Variants in ABR observed in about 807,000 individuals in gnomAD.
The protein encoded by ABR is active breakpoint cluster region-related protein.
A neutral mutation model predicts 107.2 loss-of-function variants in ABR; 35 were observed. The observed-to-expected ratio is 0.33, with a 90% CI of 0.25 to 0.43. The LOEUF is 0.43. Among genes scored for constraint, ABR ranks in the 20% least tolerant of loss-of-function variants. The probability of loss-of-function intolerance (pLI) is 1.00; values close to 1 mark genes in which losing one functional copy is unlikely to be tolerated. For missense variants in ABR, 815 were observed against 1,115.2 expected, an observed-to-expected ratio of 0.73 and a Z score of 3.83; for synonymous variants, 498 against 462.0, an observed-to-expected ratio of 1.08 and a Z score of -1.00.
At chr17:1,122,351 A>ATTTGTATAT (rs1299417781) in intron 2 of ABR, among the ~76,000 whole-genome samples, 1 of 152,218 alleles carries the variant, frequency 6.6e-6, no homozygotes, top group East Asian at 1.9e-4. Flanking sequence ...ATCCGGACAT[A>ATTTGTATAT]TTTGTGAGGC....
chr17:1,054,606 GGCACAAGGAACC>G lies in ABR; in HGVS notation c.1561+1417_1561+1428del, dbSNP rs1242592218. Among the ~76,000 whole-genome samples, 204 of 42,340 alleles carry G rather than the reference GGCACAAGGAACC, an allele frequency of 4.8e-3. 12 individuals carry two copies. Among genetic ancestry groups the G allele is most frequent in the South Asian group, 0.022 (17 of 780 alleles). The allele number at this position is 42,340 out of a possible 152,430, so 27.8% of individuals were successfully genotyped here. The stretch of plus-strand genomic sequence containing the variant: ...GGCACAAGGAACCTGAGGGGATGGG[GGCACAAGGAACC>G]TCAGGGGATGTGGGCACAAGGAACC... On this transcript the variant is annotated intron_variant, in intron 14 of 22. Transcript: ENST00000302538.
intron 7 of ABR, 141 bp from the exon 8 acceptor site, chr17:1,072,895 G>C: frequency 8.4e-7 from 1 of 1,197,434 alleles, no homozygotes; most frequent in Non-Finnish European, 1.1e-6. Context: ...ACAAATCAGA[G>C]TCAGGCCGGG....
At chr17:1,080,262 G>A (rs1325685555) in intron 5 of ABR, among the ~76,000 whole-genome samples, 2 of 152,098 alleles carry the variant, frequency 1.3e-5, no homozygotes, top group Non-Finnish European at 2.9e-5. Context: ...TGCCCATGCT[G>A]GGGGTCCGAG....
rs550353377 is a variant in ABR at position 1,053,698 on chromosome 17, G to C, written c.1561+2337C>G. 3.3e-5 allele frequency among the ~76,000 whole-genome samples: 5 copies of C among 152,298 alleles called. No homozygotes were observed. In the East Asian group the frequency reaches 9.6e-4, roughly 29 times the overall value. On this transcript the variant is annotated intron_variant, in intron 14 of 22. Transcript: ENST00000302538. Reference sequence around the variant, plus strand: ...CGGCGAAGGGAGTGAGGATAATCTGGGGGTAAAGAGAGATTTTGGAGCAGC... The same window carrying C: ...CGGCGAAGGGAGTGAGGATAATCTGCGGGTAAAGAGAGATTTTGGAGCAGC...
At chr17:1,137,395 G>C (rs972382479) in intron 1 of ABR, among the ~76,000 whole-genome samples, 4 of 151,944 alleles carry the variant, frequency 2.6e-5, no homozygotes, top group Admixed American at 2.6e-4. Flanking sequence ...ACACCTCGAG[G>C]CCACTGTAGG....
At chr17:1,208,850 T>C (rs2042848748) in intron 1 of ABR, among the ~76,000 whole-genome samples, 1 of 145,944 alleles carries the variant, frequency 6.9e-6, no homozygotes. Flanking sequence ...ATCATGCCAC[T>C]GCGCTCCAGC....
chr17:1,211,820 C>G (rs986247163), intron 1 of ABR, among the ~76,000 whole-genome samples: 1 of 152,152 alleles, frequency 6.6e-6, no homozygotes, highest in African/African-American at 2.4e-5. Flanking sequence ...GTGGCTCATG[C>G]CTGTAATCCC....
intron 16 of ABR, among the ~76,000 whole-genome samples, chr17:1,026,847 G>A (rs2072238283): frequency 6.6e-6 from 1 of 152,234 alleles, no homozygotes; most frequent in Non-Finnish European, 1.5e-5. Context: ...TCAGCAGAGG[G>A]CCAGGCCTCT....
chr17:1,101,494 C>CA (rs1252917571), intron 2 of ABR, among the ~76,000 whole-genome samples: 2 of 152,196 alleles, frequency 1.3e-5, no homozygotes, highest in African/African-American at 4.8e-5. Context: ...GCCTGTCCCA[C>CA]ACACCAGAGC....
intron 1 of ABR, among the ~76,000 whole-genome samples, chr17:1,222,006 C>T (rs1352942734): frequency 6.6e-6 from 1 of 152,056 alleles, no homozygotes; most frequent in African/African-American, 2.4e-5. Context: ...AATTCCTGGA[C>T]TTATAACAGC....
At chr17:1,114,905 C>G (rs985306529) in intron 2 of ABR, among the ~76,000 whole-genome samples, 1 of 152,200 alleles carries the variant, frequency 6.6e-6, no homozygotes, top group Non-Finnish European at 1.5e-5. Context: ...TACTGAGCAC[C>G]TACTGTGTGC....
At chr17:1,146,656 A>G (rs1246500641) in intron 1 of ABR, among the ~76,000 whole-genome samples, 1 of 85,478 alleles carries the variant, frequency 1.2e-5, no homozygotes, top group Non-Finnish European at 2.4e-5. Context: ...GCCACATGCC[A>G]CCACTGCCAC....
chr17:1,005,040 C>A lies in ABR; in HGVS notation c.*1040G>T, dbSNP rs2069919788. ...CCTGGCCCCTCTTGAAAAGCCCCCA[C>A]AACTTGCTCCTAAGAGCTGAGCTGC... On this transcript the variant is annotated 3_prime_UTR_variant, in exon 23 of 23. Transcript: ENST00000302538. The A allele has an allele frequency of 2.5e-6, 1 of 399,110 alleles. No individual in the cohort carries two copies. The highest frequency in any genetic ancestry group is 2.1e-5 in the African/African-American group (1 of 48,780). 24.7% of individuals were successfully genotyped at this position (399,110 alleles called of 1,614,324 possible). A position where few individuals can be genotyped will look rare whatever the true frequency, so the allele number is the denominator to read the frequency against.
At chr17:1,031,610 C>G (rs1830590095) in intron 16 of ABR, 1 of 1,192,200 alleles carries the variant, frequency 8.4e-7, no homozygotes, top group Non-Finnish European at 1.0e-6. Context: ...TGTTTCGGAG[C>G]AGCTTGTTGC....
intron 16 of ABR, among the ~76,000 whole-genome samples, chr17:1,018,565 G>T (rs1324547400): frequency 6.6e-6 from 1 of 152,140 alleles, no homozygotes; most frequent in Non-Finnish European, 1.5e-5. Flanking sequence ...TGAGCCAATG[G>T]TCCCTTCCCA....
chr17:1,083,704 G>A (rs1187992291), intron 4 of ABR, 77 bp from the exon 5 acceptor site: 40 of 1,173,940 alleles, frequency 3.4e-5, no homozygotes, highest in Middle Eastern at 2.2e-4. Context: ...AAAGCTTCAC[G>A]GAGCACCGGG....
At chr17:1,187,511 G>A (rs4474747), upstream of ABR, among the ~76,000 whole-genome samples, 97,889 of 152,138 alleles carry the variant, frequency 0.64, 32,603 homozygotes, top group Middle Eastern at 0.79. Flanking sequence ...GTCAGGAGGA[G>A]CTCCGTCTGG....
At chr17:1,022,178 C>G (rs1386656576) in intron 16 of ABR, among the ~76,000 whole-genome samples, 1 of 151,996 alleles carries the variant, frequency 6.6e-6, no homozygotes, top group East Asian at 1.9e-4. Context: ...GACAGGGAAC[C>G]ACGTGGAAGG....
chr17:1,178,931 C>T (rs1364791907), intron 1 of ABR, among the ~76,000 whole-genome samples: 1 of 151,724 alleles, frequency 6.6e-6, no homozygotes, highest in African/African-American at 2.4e-5. Context: ...ACGCATCCCC[C>T]GGGGCCATGC....
Sources: gnomAD v4.1 joint callset for allele counts (sites outside exome capture counted in the v4.1 genomes callset) on GRCh38, gnomAD v4.1.1 for gene constraint, MANE v1.5 for transcripts, NCBI Gene and HGNC (gene_info 2026-07-23, HGNC 2026-07-21) for gene names.